The following EFCAB6 variants were observed in gnomAD, a reference collection of about 807,000 sequenced individuals.
EFCAB6 encodes EF-hand calcium-binding domain-containing protein 6.
A neutral mutation model predicts 169.8 loss-of-function variants in EFCAB6; 156 were observed. The ratio of observed to expected loss-of-function variants is 0.92; its 90% CI spans 0.81 to 1.05. The LOEUF is 1.05. EFCAB6 is among the 50% of genes least tolerant of loss of function. EFCAB6 has a pLI of 0.00. For missense variants in EFCAB6, 1,800 were observed against 1,829.1 expected (o/e 0.98, Z 0.29); for synonymous variants, 698 against 676.4 (o/e 1.03, Z -0.50).
At chr22:43,731,340 C>A (rs1322670512) in intron 8 of EFCAB6, among the ~76,000 whole-genome samples, 1 of 152,130 alleles carries the variant, frequency 6.6e-6, no homozygotes, top group Admixed American at 6.5e-5. Flanking sequence ...AATACAGAAG[C>A]AACAGAAAGA....
intron 10 of EFCAB6, among the ~76,000 whole-genome samples, chr22:43,708,362 C>T (rs926377535): frequency 6.6e-6 from 1 of 151,688 alleles, no homozygotes; most frequent in Non-Finnish European, 1.5e-5. Flanking sequence ...GCTGAGATCA[C>T]GCTCCACCTG....
chr22:43,537,256 C>A lies in EFCAB6; in HGVS notation c.4048+121G>T. Reference sequence around the variant, plus strand: ...TGCACAGCCCACCCAGAAGTTCCCACCAGTTTCCTGTTCTGCTGCTCCCTG... The same window carrying A: ...TGCACAGCCCACCCAGAAGTTCCCAACAGTTTCCTGTTCTGCTGCTCCCTG... On this transcript the variant is annotated intron_variant, in intron 29 of 31. Coordinates refer to ENST00000262726, the MANE Select transcript of EFCAB6 (RefSeq NM_022785.4). This position sits in a 1 kb window ranked among gnomAD's most constrained non-coding sequence, Gnocchi z 4.3. 1 of 1,291,128 alleles carries A rather than the reference C, an allele frequency of 7.7e-7. No individual in the cohort carries two copies. Among genetic ancestry groups the A allele is most frequent in the Non-Finnish European group, 1.1e-6 (1 of 931,156 alleles). The allele number at this position is 1,291,128 out of a possible 1,614,324, so 80.0% of individuals were successfully genotyped here.
At chr22:43,604,668 T>C (rs1569233883) in intron 22 of EFCAB6, among the ~76,000 whole-genome samples, 1 of 152,118 alleles carries the variant, frequency 6.6e-6, no homozygotes, top group South Asian at 2.1e-4. Context: ...CTAATAGAAA[T>C]GGCCTCACTT....
At chr22:43,561,039 A>G (rs916094510) in intron 26 of EFCAB6, among the ~76,000 whole-genome samples, 1 of 152,144 alleles carries the variant, frequency 6.6e-6, no homozygotes, top group Non-Finnish European at 1.5e-5. Flanking sequence ...TGCAAAAGGA[A>G]GTATTGCGTG....
intron 12 of EFCAB6, among the ~76,000 whole-genome samples, chr22:43,681,076 A>C (rs2057988833): frequency 6.6e-6 from 1 of 152,180 alleles, no homozygotes; most frequent in Non-Finnish European, 1.5e-5. Flanking sequence ...TTTACCATTA[A>C]CTGTGCTGCT....
chr22:43,540,168 G>A lies in EFCAB6; in HGVS notation c.3838C>T (p.Gln1280Ter), dbSNP rs1292012945. 3.1e-6 allele frequency: 5 copies of A among 1,614,188 alleles called. No individual in the cohort carries two copies. Among genetic ancestry groups the A allele is most frequent in the Non-Finnish European group, 4.2e-6 (5 of 1,180,030 alleles). Residue 1280 changes from glutamine (Q) to a stop codon, truncating the protein, a stop_gained, in exon 28 of 32, where the codon CAG becomes TAG. Coordinates refer to ENST00000262726, the MANE Select transcript of EFCAB6 (RefSeq NM_022785.4). LOFTEE classifies it high-confidence loss of function. ...GTRSALSLPT[Q>*]ELRPGSKSQS... The stretch of plus-strand genomic sequence containing the variant: ...GACTTTGACCCTGGTCTCAGCTCCT[G>A]AGTGGGCAATGAGAGGGCAGATCTG...
At position 43,716,759 on chromosome 22, in the gene EFCAB6, GA is replaced by G. The variant is rs781636926; in HGVS notation, c.882+88del. On this transcript the variant is annotated intron_variant, in intron 9 of 31. Transcript: ENST00000262726. Reference sequence around the variant, plus strand: ...ATAGGTAGGATCGAAACAAATTTTAGAAATAATGTGTAAACCTAATAGTTTT... The same window carrying G: ...ATAGGTAGGATCGAAACAAATTTTAGAATAATGTGTAAACCTAATAGTTTT... 94 of 1,451,948 alleles carry G rather than the reference GA, an allele frequency of 6.5e-5. 1 individual carries two copies. The South Asian group carries it at 1.6e-3, about 24-fold the overall frequency. 89.9% of individuals were successfully genotyped at this position (1,451,948 alleles called of 1,614,324 possible).
At chr22:43,707,271 T>A (rs1433609608) in intron 10 of EFCAB6, among the ~76,000 whole-genome samples, 1 of 151,842 alleles carries the variant, frequency 6.6e-6, no homozygotes, top group South Asian at 2.1e-4. Flanking sequence ...TAAAAGACAG[T>A]TTAAGAGACA....
chr22:43,565,318 C>G (rs1438744808), intron 26 of EFCAB6, among the ~76,000 whole-genome samples: 1 of 152,202 alleles, frequency 6.6e-6, no homozygotes, highest in East Asian at 1.9e-4. Flanking sequence ...GCTGTGAAAA[C>G]TGAATGAATG....
chr22:43,713,091 A>G (rs1393801758), intron 9 of EFCAB6, among the ~76,000 whole-genome samples: 2 of 152,142 alleles, frequency 1.3e-5, no homozygotes, highest in Non-Finnish European at 2.9e-5. Flanking sequence ...ATGTTTCCTT[A>G]GTCTTAAATC....
intron 25 of EFCAB6, among the ~76,000 whole-genome samples, chr22:43,579,602 G>GTA (rs2050566674): frequency 3.7e-5 from 2 of 54,732 alleles, no homozygotes; most frequent in African/African-American, 7.4e-5. Context: ...ATCATTCCCT[G>GTA]CATGCAGGCA....
chr22:43,564,369 A>C (rs886126129), intron 26 of EFCAB6, among the ~76,000 whole-genome samples: 1 of 151,860 alleles, frequency 6.6e-6, no homozygotes, highest in African/African-American at 2.4e-5. Context: ...AATCGCTTCA[A>C]CCTGGGAGGT....
intron 8 of EFCAB6, among the ~76,000 whole-genome samples, chr22:43,729,044 G>T (rs1434724446): frequency 2.0e-5 from 3 of 152,170 alleles, no homozygotes; most frequent in Admixed American, 1.3e-4. Flanking sequence ...TACTGGTGGT[G>T]GAAGGTGAAC....
At chr22:43,746,197 A>G (rs1276656556) in intron 6 of EFCAB6, among the ~76,000 whole-genome samples, 2 of 152,204 alleles carry the variant, frequency 1.3e-5, no homozygotes. Flanking sequence ...TGATGCTCTC[A>G]TTGCTCTGGC....
intron 6 of EFCAB6, among the ~76,000 whole-genome samples, chr22:43,748,878 C>A (rs924564291): frequency 1.3e-5 from 2 of 152,140 alleles, no homozygotes; most frequent in African/African-American, 4.8e-5. Context: ...GATGCACAAG[C>A]AAAAGACATG....
chr22:43,687,686 T>C, intron 10 of EFCAB6, 105 bp from the exon 11 acceptor site: 1 of 586,304 alleles, frequency 1.7e-6, no homozygotes, highest in East Asian at 3.1e-5. Context: ...GCAATGCATT[T>C]ATATGAAGTT....
intron 13 of EFCAB6, among the ~76,000 whole-genome samples, chr22:43,676,386 T>C (rs1166678303): frequency 1.5e-5 from 2 of 133,600 alleles, no homozygotes; most frequent in African/African-American, 5.9e-5. Context: ...GCCACTGCAC[T>C]CCAGCCTGGG....
chr22:43,671,542 C>A (rs1603117809), intron 15 of EFCAB6, among the ~76,000 whole-genome samples: 1 of 152,124 alleles, frequency 6.6e-6, no homozygotes. Flanking sequence ...CTCAGTTCCA[C>A]AAGAGTTGAG....
intron 27 of EFCAB6, among the ~76,000 whole-genome samples, chr22:43,549,880 C>A (rs1389333925): frequency 1.3e-5 from 2 of 152,124 alleles, no homozygotes; most frequent in African/African-American, 2.4e-5. Flanking sequence ...TAATGTAATC[C>A]GCTATATTGA....
Sources: gnomAD v4.1 joint callset for allele counts (sites outside exome capture counted in the v4.1 genomes callset) on GRCh38, gnomAD v4.1.1 for gene constraint, Gnocchi (gnomAD v3.1) non-coding constraint, MANE v1.5 for transcripts, NCBI Gene and HGNC (gene_info 2026-07-23, HGNC 2026-07-21) for gene names.